Variants in FRK observed in about 807,000 individuals in gnomAD.
FRK encodes the protein tyrosine-protein kinase FRK.
A neutral mutation model predicts 56.4 loss-of-function variants in FRK; 51 were observed. That is an observed-to-expected ratio of 0.90 (90% CI 0.72 to 1.14). The LOEUF (loss-of-function observed/expected upper bound fraction) is 1.14, where lower values mean the gene tolerates loss of function less well. Among genes scored for constraint, FRK ranks in the 50% most tolerant of loss-of-function variants. The probability of loss-of-function intolerance (pLI) is 0.00; values close to 1 mark genes in which losing one functional copy is unlikely to be tolerated. For synonymous variants in FRK, 245 were observed against 217.9 expected (o/e 1.12, Z -1.10); for missense variants, 570 against 601.4 (o/e 0.95, Z 0.55).
At chr6:115,943,772 G>C (rs929638988) in intron 6 of FRK, among the ~76,000 whole-genome samples, 2 of 152,116 alleles carry the variant, frequency 1.3e-5, no homozygotes, top group African/African-American at 4.8e-5. Context: ...TAATTTAAGA[G>C]AAAAGCACCT....
chr6:115,932,726 G>C lies in FRK; in HGVS notation c.*9688C>G, dbSNP rs1771977674. 1 of 152,210 alleles carries C rather than the reference G, an allele frequency of 6.6e-6. No homozygotes were observed. The highest frequency in any genetic ancestry group is 6.5e-5 in the Admixed American group (1 of 15,278). The allele number at this position is 152,210 out of a possible 1,614,324, so 9.4% of individuals were successfully genotyped here. ...TATGGCATATGCTTAACAAACCATGGAACACCAGCTGGGCTCTGCTTCCTT... is the reference window on the plus strand; with the variant it reads ...TATGGCATATGCTTAACAAACCATGCAACACCAGCTGGGCTCTGCTTCCTT... On this transcript the variant is annotated 3_prime_UTR_variant, in exon 8 of 8. Coordinates refer to ENST00000606080, the MANE Select transcript of FRK (RefSeq NM_002031.3).
chr6:116,076,571 C>T, the FRK span, among the ~76,000 whole-genome samples: 2 of 152,118 alleles, frequency 1.3e-5, no homozygotes, highest in Admixed American at 1.3e-4. Context: ...CTTATAAACA[C>T]CTTGCTGAAT....
Position 116,001,822 on chromosome 6 carries a change from G to T in FRK, c.466+2055C>A, listed in dbSNP as rs550610187. Reference sequence around the variant, plus strand: ...TCACTGGAATAAAGTCTCTTCTTTCGAATTCCTTTTTGGAGAATTTTGTTT... The same window carrying T: ...TCACTGGAATAAAGTCTCTTCTTTCTAATTCCTTTTTGGAGAATTTTGTTT... On this transcript the variant is annotated intron_variant, in intron 2 of 7. Coordinates refer to ENST00000606080, the MANE Select transcript of FRK (RefSeq NM_002031.3). 4.0e-5 allele frequency among the ~76,000 whole-genome samples: 6 copies of T among 151,546 alleles called. No individual in the cohort carries two copies. In the East Asian group the frequency reaches 7.7e-4, roughly 20 times the overall value.
chr6:116,078,012 T>C, the FRK span, among the ~76,000 whole-genome samples: 1 of 152,014 alleles, frequency 6.6e-6, no homozygotes, highest in African/African-American at 2.4e-5. Context: ...ACACAAAAAT[T>C]AGCAGGGCAT....
At chr6:116,088,385 A>G in the FRK span, among the ~76,000 whole-genome samples, 1 of 152,220 alleles carries the variant, frequency 6.6e-6, no homozygotes, top group Non-Finnish European at 1.5e-5. Flanking sequence ...GACAAGAACT[A>G]TAAAACAAGC....
At chr6:115,958,638 A>G (rs539231047) in intron 4 of FRK, among the ~76,000 whole-genome samples, 1,580 of 6,802 alleles carry the variant, frequency 0.23, 50 homozygotes, top group Middle Eastern at 0.43. Flanking sequence ...AAAAAAGGAA[A>G]GAAAGAAAAG....
chr6:116,049,548 A>T (rs1777111541), intron 1 of FRK, among the ~76,000 whole-genome samples: 1 of 152,216 alleles, frequency 6.6e-6, no homozygotes, highest in Non-Finnish European at 1.5e-5. Context: ...AAAGTTTTAT[A>T]GCTAGCTGTT....
intron 2 of FRK, among the ~76,000 whole-genome samples, chr6:115,975,240 A>AT (rs1014223533): frequency 6.6e-6 from 1 of 151,518 alleles, no homozygotes; most frequent in African/African-American, 2.4e-5. Context: ...ATAATGCAGA[A>AT]TTTTTTTTTC....
intron 1 of FRK, among the ~76,000 whole-genome samples, chr6:116,048,364 A>T (rs1777055586): frequency 6.6e-6 from 1 of 152,084 alleles, no homozygotes; most frequent in East Asian, 1.9e-4. Context: ...TATTTATCTT[A>T]ATGTTTCACC....
intron 4 of FRK, among the ~76,000 whole-genome samples, chr6:115,957,951 T>A (rs770223234): frequency 6.6e-5 from 10 of 152,318 alleles, no homozygotes; most frequent in Non-Finnish European, 1.3e-4. Context: ...ATTTATATTA[T>A]CATTGATATG....
intron 2 of FRK, among the ~76,000 whole-genome samples, chr6:115,999,991 T>C (rs1774992770): frequency 1.3e-5 from 2 of 152,168 alleles, no homozygotes; most frequent in Non-Finnish European, 2.9e-5. Context: ...TATGCTGGTC[T>C]CTAAGCAAGG....
intron 2 of FRK, among the ~76,000 whole-genome samples, chr6:115,982,412 C>T (rs138441164): frequency 6.6e-6 from 1 of 152,250 alleles, no homozygotes; most frequent in East Asian, 1.9e-4. Context: ...TAATAAATTT[C>T]CACATATATA....
intron 4 of FRK, 148 bp downstream of exon 4, chr6:115,967,403 T>C (rs921495236): frequency 8.1e-6 from 5 of 614,952 alleles, no homozygotes; most frequent in African/African-American, 7.3e-5. Flanking sequence ...GCCTTATCCA[T>C]AGGTTGGGGT....
intron 1 of FRK, among the ~76,000 whole-genome samples, chr6:116,047,007 A>T (rs577169535): frequency 6.6e-6 from 1 of 151,328 alleles, no homozygotes; most frequent in African/African-American, 2.4e-5. Context: ...TTCCTTCACA[A>T]ACTTCTTCAT....
At chr6:116,038,672 T>C in intron 1 of FRK, 2 of 365,782 alleles carry the variant, frequency 5.5e-6, no homozygotes, top group South Asian at 5.2e-5. Flanking sequence ...ATGATACCTT[T>C]TAGAATATCA....
chr6:116,085,899 C>G, the FRK span, among the ~76,000 whole-genome samples: 5 of 152,292 alleles, frequency 3.3e-5, no homozygotes, highest in South Asian at 1.0e-3. Flanking sequence ...TGGCTAATTT[C>G]CAGAAGAGAA....
intron 5 of FRK, among the ~76,000 whole-genome samples, chr6:115,951,864 G>T (rs923705804): frequency 6.6e-6 from 1 of 151,976 alleles, no homozygotes; most frequent in Non-Finnish European, 1.5e-5. Context: ...TGATGTAAAA[G>T]TTCACAAACC....
intron 5 of FRK, among the ~76,000 whole-genome samples, chr6:115,945,056 T>C (rs1772367549): frequency 6.6e-6 from 1 of 152,248 alleles, no homozygotes; most frequent in Non-Finnish European, 1.5e-5. Flanking sequence ...TCATTTTTTA[T>C]GGCTGCATAG....
chr6:116,000,247 T>C (rs1775008465), intron 2 of FRK, among the ~76,000 whole-genome samples: 2 of 53,826 alleles, frequency 3.7e-5, no homozygotes, highest in Admixed American at 1.6e-4. Context: ...TTTTTTTTTT[T>C]TTTTTTTTTT....
Sources: gnomAD v4.1 joint callset for allele counts (sites outside exome capture counted in the v4.1 genomes callset) on GRCh38, gnomAD v4.1.1 for gene constraint, MANE v1.5 for transcripts, NCBI Gene and HGNC (gene_info 2026-07-23, HGNC 2026-07-21) for gene names.